The following ACER3 variants were observed in gnomAD, a reference collection of about 807,000 sequenced individuals.
ACER3 encodes alkCDase 3.
In ACER3, 16 loss-of-function variants were observed where a neutral mutation model predicts 48.9. That is an observed-to-expected ratio of 0.33 (90% CI 0.22 to 0.50). The LOEUF (loss-of-function observed/expected upper bound fraction) is 0.50, where lower values mean the gene tolerates loss of function less well. ACER3 is among the 20% of genes least tolerant of loss of function. The probability of loss-of-function intolerance (pLI) is 0.98; values close to 1 mark genes in which losing one functional copy is unlikely to be tolerated. For missense variants in ACER3, 227 were observed against 326.0 expected, an observed-to-expected ratio of 0.70 and a Z score of 2.34; for synonymous variants, 109 against 107.8, an observed-to-expected ratio of 1.01 and a Z score of -0.07.
At chr11:76,898,826 C>T (rs1946002413) in intron 1 of ACER3, among the ~76,000 whole-genome samples, 1 of 141,178 alleles carries the variant, frequency 7.1e-6, no homozygotes, top group African/African-American at 2.7e-5. Context: ...ATGGCGTGAA[C>T]CCGGGAGGCG....
chr11:76,972,400 G>A (rs529431668), intron 3 of ACER3, among the ~76,000 whole-genome samples: 1 of 152,212 alleles, frequency 6.6e-6, no homozygotes, highest in Non-Finnish European at 1.5e-5. Flanking sequence ...TAGTAGAAAT[G>A]TCTATTGATA....
At chr11:76,995,587 A>G (rs1036430503) in intron 6 of ACER3, among the ~76,000 whole-genome samples, 1 of 152,186 alleles carries the variant, frequency 6.6e-6, no homozygotes, top group African/African-American at 2.4e-5. Context: ...AAGGAGCAGA[A>G]AAGTATACAT....
At chr11:77,003,206 C>A (rs10793227) in intron 7 of ACER3, among the ~76,000 whole-genome samples, 108,116 of 152,076 alleles carry the variant, frequency 0.71, 38,819 homozygotes, top group Non-Finnish European at 0.77. Context: ...ATAGTCATGC[C>A]GTTATTCACT....
At chr11:76,977,002 CAT>C (rs1390503680) in intron 4 of ACER3, among the ~76,000 whole-genome samples, 1 of 152,200 alleles carries the variant, frequency 6.6e-6, no homozygotes, top group African/African-American at 2.4e-5. Flanking sequence ...ATGATAGTAA[CAT>C]TAATAAATGC....
rs1247582801 is a variant in ACER3 at position 77,025,305 on chromosome 11, G to A, written c.*4978G>A. ...AATATCAAAGGGGTCTAGATCAGGGGTTGGTAAACTACAACCCATGGGCCA... is the reference window on the plus strand; with the variant it reads ...AATATCAAAGGGGTCTAGATCAGGGATTGGTAAACTACAACCCATGGGCCA... On this transcript the variant is annotated 3_prime_UTR_variant, in exon 11 of 11. Coordinates refer to ENST00000532485, the MANE Select transcript of ACER3 (RefSeq NM_018367.7). The A allele has an allele frequency of 6.6e-6, 1 of 151,346 alleles. No individual in the cohort carries two copies. Among genetic ancestry groups the A allele is most frequent in the Non-Finnish European group, 1.5e-5 (1 of 67,938 alleles). The allele number at this position is 151,346 out of a possible 1,614,324, so 9.4% of individuals were successfully genotyped here.
At chr11:77,005,036 C>CTTTTTT (rs57411582) in intron 7 of ACER3, among the ~76,000 whole-genome samples, 6 of 112,850 alleles carry the variant, frequency 5.3e-5, no homozygotes, top group South Asian at 2.9e-4. Context: ...TAAACTTTTT[C>CTTTTTT]TTTTTTTTTT....
chr11:76,997,904 T>C (rs1948948348), intron 6 of ACER3, among the ~76,000 whole-genome samples: 1 of 152,128 alleles, frequency 6.6e-6, no homozygotes, highest in Non-Finnish European at 1.5e-5. Flanking sequence ...AACAGTATTA[T>C]TATTACTTAG....
intron 7 of ACER3, among the ~76,000 whole-genome samples, chr11:76,999,184 T>C (rs1459222377): frequency 6.6e-6 from 1 of 152,180 alleles, no homozygotes; most frequent in Admixed American, 6.5e-5. Flanking sequence ...AGGGAATTCC[T>C]TTTACATAGT....
chr11:77,015,242 A>G, intron 8 of ACER3, 125 bp downstream of exon 8: 1 of 616,836 alleles, frequency 1.6e-6, no homozygotes, highest in East Asian at 2.9e-5. Context: ...CATTTAAAAG[A>G]TATATACAGT....
chr11:76,895,979 C>G (rs2134643164), intron 1 of ACER3, among the ~76,000 whole-genome samples: 1 of 152,278 alleles, frequency 6.6e-6, no homozygotes, highest in Non-Finnish European at 1.5e-5. Flanking sequence ...TCCCCCTGTT[C>G]TTTCCTCTTT....
At chr11:76,976,194 T>C in intron 3 of ACER3, 95 bp from the exon 4 acceptor site, 1 of 989,922 alleles carries the variant, frequency 1.0e-6, no homozygotes, top group East Asian at 2.5e-5. Flanking sequence ...GTCTAAGAGC[T>C]GAAAATCTTA....
intron 2 of ACER3, 149 bp downstream of exon 2, chr11:76,926,816 A>G (rs1350664084): frequency 1.9e-6 from 1 of 531,674 alleles, no homozygotes; most frequent in East Asian, 3.3e-5. Flanking sequence ...AAACCTTGCC[A>G]GTGAATTGAA....
intron 6 of ACER3, 115 bp downstream of exon 6, chr11:76,990,689 G>A: frequency 1.5e-6 from 1 of 686,414 alleles, no homozygotes; most frequent in South Asian, 1.7e-5. Context: ...AATGGTAGAT[G>A]TTCTAAGGAA....
intron 3 of ACER3, among the ~76,000 whole-genome samples, chr11:76,968,967 TCTG>T (rs1591008500): frequency 6.6e-6 from 1 of 152,154 alleles, no homozygotes; most frequent in Non-Finnish European, 1.5e-5. Context: ...CTGAAGAGCT[TCTG>T]CACAGCAAAA....
At chr11:76,911,767 A>G (rs1272849007) in intron 1 of ACER3, among the ~76,000 whole-genome samples, 5 of 152,172 alleles carry the variant, frequency 3.3e-5, no homozygotes, top group Non-Finnish European at 5.9e-5. Flanking sequence ...TACCTTCACT[A>G]TAAGTATCCA....
At chr11:77,019,637 A>G (rs1949437865) in intron 9 of ACER3, 94 bp from the exon 10 acceptor site, 2 of 1,225,124 alleles carry the variant, frequency 1.6e-6, no homozygotes, top group Non-Finnish European at 2.4e-6. Flanking sequence ...TGCTTCGTAC[A>G]TGCAGAAGCA....
At chr11:76,902,592 A>G (rs1020610192) in intron 1 of ACER3, among the ~76,000 whole-genome samples, 2 of 152,206 alleles carry the variant, frequency 1.3e-5, no homozygotes, top group African/African-American at 4.8e-5. Context: ...TTGTTATGTA[A>G]TGACTTTTCT....
At position 76,917,123 on chromosome 11, in the gene ACER3, A is replaced by G. The variant is rs143347734; in HGVS notation, c.104-9434A>G. On this transcript the variant is annotated intron_variant, in intron 1 of 10. Coordinates refer to ENST00000532485, the MANE Select transcript of ACER3 (RefSeq NM_018367.7). ...TTTTTACTGGGTCCCAATGATCATTACAAGCTCTGCTTAGTGAATGTGGGT... is the reference window on the plus strand; with the variant it reads ...TTTTTACTGGGTCCCAATGATCATTGCAAGCTCTGCTTAGTGAATGTGGGT... Among the ~76,000 whole-genome samples, 41 of 152,276 alleles carry G rather than the reference A, an allele frequency of 2.7e-4. 1 individual carries two copies. The East Asian group carries it at 7.9e-3, about 29-fold the overall frequency.
chr11:76,990,429 G>A (rs1454169261), intron 5 of ACER3, 110 bp from the exon 6 acceptor site: 1 of 807,684 alleles, frequency 1.2e-6, no homozygotes, highest in African/African-American at 1.7e-5. Flanking sequence ...TCAAGTCTGA[G>A]TAAGATGGGG....
Sources: gnomAD v4.1 joint callset for allele counts (sites outside exome capture counted in the v4.1 genomes callset) on GRCh38, gnomAD v4.1.1 for gene constraint, MANE v1.5 for transcripts, NCBI Gene and HGNC (gene_info 2026-07-23, HGNC 2026-07-21) for gene names.